The following GRIA4 variants were observed in gnomAD, a reference collection of about 807,000 sequenced individuals.
GRIA4 encodes glutamate ionotropic receptor AMPA type subunit 4.
A neutral mutation model predicts 104.0 loss-of-function variants in GRIA4; 34 were observed. The ratio of observed to expected loss-of-function variants is 0.33; its 90% confidence interval spans 0.25 to 0.44. The LOEUF is 0.44. Among genes scored for constraint, GRIA4 ranks in the 20% least tolerant of loss-of-function variants. The pLI is 1.00. For synonymous variants in GRIA4, 386 were observed against 381.9 expected (o/e 1.01, Z -0.13); for missense variants, 750 against 1,096.5 (o/e 0.68, Z 4.46).
chr11:105,731,072 T>A lies in GRIA4; in HGVS notation c.248-21909T>A, dbSNP rs183835114. On this transcript the variant is annotated intron_variant, in intron 3 of 16. Transcript: ENST00000282499. The stretch of plus-strand genomic sequence containing the variant: ...AGCTTCTGCACAGCAAAAGAAACTA[T>A]CATCAGAGTAAACAGAAAACCTACA... Among the ~76,000 whole-genome samples, 455 of 152,014 alleles carry A rather than the reference T, an allele frequency of 3.0e-3. 7 individuals carry two copies. Among genetic ancestry groups the A allele is most frequent in the African/African-American group, 0.011 (447 of 41,428 alleles).
intron 6 of GRIA4, among the ~76,000 whole-genome samples, chr11:105,890,048 G>T (rs1946404203): frequency 6.6e-6 from 1 of 152,048 alleles, no homozygotes; most frequent in Non-Finnish European, 1.5e-5. Flanking sequence ...AAATATTCCA[G>T]AATATTTAAA....
At chr11:105,853,487 T>A (rs1944894117) in intron 4 of GRIA4, among the ~76,000 whole-genome samples, 1 of 152,188 alleles carries the variant, frequency 6.6e-6, no homozygotes, top group Admixed American at 6.6e-5. Flanking sequence ...AGTTTTTGCA[T>A]TTACTTGCCA....
At chr11:105,972,663 A>G (rs1858757902) in intron 15 of GRIA4, among the ~76,000 whole-genome samples, 1 of 152,178 alleles carries the variant, frequency 6.6e-6, no homozygotes, top group African/African-American at 2.4e-5. Flanking sequence ...TAAACAATGC[A>G]GGAAAAAAAT....
intron 3 of GRIA4, among the ~76,000 whole-genome samples, chr11:105,717,240 A>T (rs1017094510): frequency 5.9e-5 from 9 of 152,138 alleles, no homozygotes; most frequent in African/African-American, 2.2e-4. Context: ...TCATTCTTTC[A>T]TTTCAGAGCA....
intron 5 of GRIA4, among the ~76,000 whole-genome samples, chr11:105,864,333 A>C (rs1945331908): frequency 6.6e-6 from 1 of 152,266 alleles, no homozygotes; most frequent in African/African-American, 2.4e-5. Flanking sequence ...GCTAATCCAT[A>C]CTTTGTCAGG....
intron 3 of GRIA4, among the ~76,000 whole-genome samples, chr11:105,638,021 T>C (rs1383234142): frequency 6.6e-6 from 1 of 152,212 alleles, no homozygotes; most frequent in Non-Finnish European, 1.5e-5. Context: ...TAAATTCTTA[T>C]AATGGTATAT....
chr11:105,969,935 C>T (rs1020343660), intron 14 of GRIA4, among the ~76,000 whole-genome samples: 4 of 152,124 alleles, frequency 2.6e-5, no homozygotes, highest in African/African-American at 9.7e-5. Flanking sequence ...TTGCAGGTCA[C>T]TAGCAAACCC....
At chr11:105,774,077 A>G (rs1941346526) in intron 4 of GRIA4, among the ~76,000 whole-genome samples, 1 of 151,618 alleles carries the variant, frequency 6.6e-6, no homozygotes, top group Non-Finnish European at 1.5e-5. Context: ...AAGTACCATC[A>G]AAATTAGTAG....
At chr11:105,728,804 T>G (rs1387681726) in intron 3 of GRIA4, among the ~76,000 whole-genome samples, 2 of 152,136 alleles carry the variant, frequency 1.3e-5, no homozygotes, top group African/African-American at 4.8e-5. Flanking sequence ...TTGAAACTAA[T>G]GATAACAAAG....
intron 6 of GRIA4, among the ~76,000 whole-genome samples, chr11:105,890,291 A>G (rs1279974726): frequency 3.3e-5 from 5 of 152,214 alleles, no homozygotes; most frequent in African/African-American, 1.2e-4. Flanking sequence ...TTCTTTAAAA[A>G]TGATAATCTT....
chr11:105,618,804 G>A (rs1301080151), intron 3 of GRIA4, among the ~76,000 whole-genome samples: 5 of 151,818 alleles, frequency 3.3e-5, no homozygotes, highest in Non-Finnish European at 7.4e-5. Flanking sequence ...CAAGAGTGCT[G>A]AAAGTCAAAC....
chr11:105,827,195 G>A (rs1014740745), intron 4 of GRIA4, among the ~76,000 whole-genome samples: 3 of 151,904 alleles, frequency 2.0e-5, no homozygotes, highest in Admixed American at 6.6e-5. Flanking sequence ...TGATTTCCAC[G>A]CTTGGGTAAT....
chr11:105,903,024 T>C (rs1946914431), intron 7 of GRIA4, among the ~76,000 whole-genome samples: 1 of 152,188 alleles, frequency 6.6e-6, no homozygotes, highest in South Asian at 2.1e-4. Flanking sequence ...TTCCTCACTT[T>C]TTCCCCTAAT....
chr11:105,971,472 A>G (rs1471275049), intron 14 of GRIA4, among the ~76,000 whole-genome samples: 15 of 152,322 alleles, frequency 9.8e-5, no homozygotes, highest in Non-Finnish European at 1.5e-5. Flanking sequence ...CATAAAGTCA[A>G]ATACCATAAG....
chr11:105,626,550 A>G (rs1330546208), intron 3 of GRIA4, among the ~76,000 whole-genome samples: 1 of 152,198 alleles, frequency 6.6e-6, no homozygotes, highest in East Asian at 1.9e-4. Context: ...CAATTTATCA[A>G]AAGCCATTGA....
chr11:105,951,519 AG>A (rs1373870549), intron 14 of GRIA4, among the ~76,000 whole-genome samples: 1 of 152,214 alleles, frequency 6.6e-6, no homozygotes, highest in Non-Finnish European at 1.5e-5. Context: ...GAATGGCCTG[AG>A]GCAGGGACTT....
chr11:105,842,664 C>T (rs1944435990), intron 4 of GRIA4: 1 of 152,108 alleles, frequency 6.6e-6, no homozygotes, highest in African/African-American at 2.4e-5. Context: ...TATCATGAGT[C>T]TCAGCCCACA....
chr11:105,674,866 T>C lies in GRIA4; in HGVS notation c.247+62432T>C, dbSNP rs557783254. The stretch of plus-strand genomic sequence containing the variant: ...ATGCAGATTCAAGCAAGAAGTTCAG[T>C]TGTCAAATCAAAACCTTAGTAGTGA... On this transcript the variant is annotated intron_variant, in intron 3 of 16. Coordinates refer to ENST00000282499, the MANE Select transcript of GRIA4 (RefSeq NM_000829.4). 5.4e-4 allele frequency among the ~76,000 whole-genome samples: 82 copies of C among 152,092 alleles called. 1 individual carries two copies. The highest frequency in any genetic ancestry group is 3.4e-3 in the Middle Eastern group (1 of 294).
chr11:105,959,564 C>T (rs1306499482), intron 14 of GRIA4, among the ~76,000 whole-genome samples: 4 of 152,080 alleles, frequency 2.6e-5, no homozygotes, highest in Non-Finnish European at 4.4e-5. Context: ...TTTAGCTCAT[C>T]GTAGTTTTTA....
Sources: gnomAD v4.1 joint callset for allele counts (sites outside exome capture counted in the v4.1 genomes callset) on GRCh38, gnomAD v4.1.1 for gene constraint, MANE v1.5 for transcripts, NCBI Gene and HGNC (gene_info 2026-07-23, HGNC 2026-07-21) for gene names.